LONRF2: variants seen among roughly 807,000 people sequenced by gnomAD.
LONRF2 encodes the protein LON peptidase N-terminal domain and RING finger protein 2.
LONRF2 carries 35 observed loss-of-function variants against 66.6 expected under a neutral mutation model. The observed-to-expected ratio is 0.53, with a 90% CI of 0.40 to 0.70. The LOEUF is 0.70. Ranked by LOEUF, LONRF2 falls within the 30% of genes least tolerant of loss-of-function variation. The pLI is 0.00. For missense variants in LONRF2, 902 were observed against 1,002.1 expected (o/e 0.90, Z 1.35); for synonymous variants, 417 against 418.1 (o/e 1.00, Z 0.03).
chr2:100,290,342 A>G lies in LONRF2; in HGVS notation c.1836T>C (p.Ile612=). ...FPDGSSVVDA[I]GISRFRVLSH... is the part of the protein sequence containing the mutation. ...TTAGCACTCGGAACCGACTGATGCC[A>G]ATCGCGTCTACAACAGAACTTCCAT... Residue 612 remains isoleucine, a synonymous_variant, in exon 10 of 12, where the codon ATT becomes ATC. Transcript: ENST00000393437. The G allele has an allele frequency of 6.2e-7, 1 of 1,614,198 alleles. No homozygotes were observed. Among genetic ancestry groups the G allele is most frequent in the Non-Finnish European group, 8.5e-7 (1 of 1,180,034 alleles).
Position 100,284,382 on chromosome 2 carries a change from AAGG to A in LONRF2, c.2178_2180del (p.Leu727del), listed in dbSNP as rs1418743513. The A allele has an allele frequency of 1.2e-6, 2 of 1,600,204 alleles. No homozygotes were observed. Among genetic ancestry groups the A allele is most frequent in the Admixed American group, 3.4e-5 (2 of 58,358 alleles). ...TGATGACTAATATCCGTCGGATGGC[AAGG>A]AGCCGCTCTTTGAGCGAGGTCATGC... On this transcript the variant is annotated inframe_deletion, in exon 12 of 12. Transcript: ENST00000393437.
At chr2:100,285,401 T>C (rs985074686) in intron 11 of LONRF2, among the ~76,000 whole-genome samples, 2 of 152,206 alleles carry the variant, frequency 1.3e-5, no homozygotes, top group African/African-American at 4.8e-5. Flanking sequence ...CTCTTTTCCC[T>C]GCCTCATCTC....
chr2:100,287,736 T>A (rs1674876898), intron 10 of LONRF2, among the ~76,000 whole-genome samples: 1 of 152,170 alleles, frequency 6.6e-6, no homozygotes, highest in Admixed American at 6.5e-5. Context: ...GCCTCAGTCC[T>A]GTTCAGGAAC....
At chr2:100,308,205 TA>T (rs1675335667) in intron 2 of LONRF2, among the ~76,000 whole-genome samples, 1 of 140,934 alleles carries the variant, frequency 7.1e-6, no homozygotes, top group Non-Finnish European at 1.5e-5. Context: ...CTGTCTCTAC[TA>T]AAAAATACAA....
At chr2:100,286,176 A>G (rs943237705) in intron 11 of LONRF2, among the ~76,000 whole-genome samples, 2 of 152,184 alleles carry the variant, frequency 1.3e-5, no homozygotes, top group African/African-American at 2.4e-5. Flanking sequence ...CAGAAAAAAA[A>G]AGTTAAAATG....
At chr2:100,312,871 G>C (rs1675435061) in intron 1 of LONRF2, among the ~76,000 whole-genome samples, 1 of 152,226 alleles carries the variant, frequency 6.6e-6, no homozygotes, top group Non-Finnish European at 1.5e-5. Context: ...AAAACTAAGT[G>C]GAAGAGGAAG....
intron 1 of LONRF2, among the ~76,000 whole-genome samples, chr2:100,312,348 A>G (rs1223135641): frequency 6.6e-6 from 1 of 152,060 alleles, no homozygotes; most frequent in Non-Finnish European, 1.5e-5. Flanking sequence ...TTTTTCTTGA[A>G]CACATTTATC....
Position 100,321,920 on chromosome 2 carries a change from G to T in LONRF2, c.174C>A (p.Arg58=). ...SMLAGLAQPD[R]GLCLRLGDAL... ...CGTCCCCCAGCCTCAGGCACAGGCC[G>T]CGGTCCGGCTGCGCCAGCCCGGCTA... Residue 58 remains arginine, a synonymous_variant, in exon 1 of 12, where the codon CGC becomes CGA. Coordinates refer to ENST00000393437, the MANE Select transcript of LONRF2 (RefSeq NM_198461.4). 1 of 1,365,296 alleles carries T rather than the reference G, an allele frequency of 7.3e-7. No individual in the cohort carries two copies. The highest frequency in any genetic ancestry group is 9.5e-7 in the Non-Finnish European group (1 of 1,056,886). The allele number at this position is 1,365,296 out of a possible 1,614,324, so 84.6% of individuals were successfully genotyped here.
At position 100,278,976 on chromosome 2, in the gene LONRF2, T is replaced by C. The variant is rs544730191; in HGVS notation, c.*5322A>G. On this transcript the variant is annotated 3_prime_UTR_variant, in exon 12 of 12. Transcript: ENST00000393437. ...CTCTGGTAGAAGGGACTACTCTCTGTACCATTCTAAAACTTAAGGGAGCGT... is the reference window on the plus strand; with the variant it reads ...CTCTGGTAGAAGGGACTACTCTCTGCACCATTCTAAAACTTAAGGGAGCGT... 32 of 152,070 alleles carry C rather than the reference T, an allele frequency of 2.1e-4. No individual in the cohort carries two copies. Among genetic ancestry groups the C allele is most frequent in the Non-Finnish European group, 4.3e-4 (29 of 68,014 alleles). 9.4% of individuals were successfully genotyped at this position (152,070 alleles called of 1,614,324 possible).
intron 10 of LONRF2, 40 bp from the exon 11 acceptor site, chr2:100,287,103 A>G (rs1443254716): frequency 1.2e-5 from 19 of 1,590,138 alleles, no homozygotes. Flanking sequence ...AACCATTCAC[A>G]GTAATGCACG....
rs72821133 is a variant in LONRF2, at chr2:100,272,668, C to T, written c.*11630G>A. 0.14 allele frequency among the ~76,000 whole-genome samples: 20,793 copies of T among 151,942 alleles called. 1,745 individuals carry two copies. The highest frequency in any genetic ancestry group is 0.25 in the Middle Eastern group (73 of 294). On this transcript the variant is annotated 3_prime_UTR_variant, in exon 12 of 12. Coordinates refer to ENST00000393437, the MANE Select transcript of LONRF2 (RefSeq NM_198461.4). ...GCTGTTTTAAATATTGTAATTTATG[C>T]CTCTAAAAATTCCAAATAAATATAT...
chr2:100,305,143 T>A (rs1422222570), intron 2 of LONRF2, among the ~76,000 whole-genome samples: 2 of 152,188 alleles, frequency 1.3e-5, no homozygotes, highest in African/African-American at 4.8e-5. Flanking sequence ...GTACTGTTTT[T>A]GTGCAGCTGC....
rs376714205 is a variant in LONRF2 at position 100,306,959 on chromosome 2, T to A, written c.798+2148A>T. On this transcript the variant is annotated intron_variant, in intron 2 of 11. Transcript: ENST00000393437. ...TTTTTGAGGTGGAGTCTCGCTCTGTTGCCCAGGCTGGAGTGCAGTGGTGCT... is the reference window on the plus strand; with the variant it reads ...TTTTTGAGGTGGAGTCTCGCTCTGTAGCCCAGGCTGGAGTGCAGTGGTGCT... Among the ~76,000 whole-genome samples the A allele has an allele frequency of 2.6e-3, 392 of 149,384 alleles. 1 individual carries two copies. The highest frequency in any genetic ancestry group is 4.1e-3 in the Non-Finnish European group (278 of 67,546).
At chr2:100,299,966 G>T in intron 4 of LONRF2, 48 bp from the exon 5 acceptor site, 1 of 1,081,800 alleles carries the variant, frequency 9.2e-7, no homozygotes, top group Admixed American at 2.3e-5. Context: ...AGAAATCATA[G>T]CATAAGAGAA....
chr2:100,290,427 A>T lies in LONRF2; in HGVS notation c.1758-7T>A. The T allele has an allele frequency of 6.2e-7, 1 of 1,604,716 alleles. No individual in the cohort carries two copies. The highest frequency in any genetic ancestry group is 2.2e-5 in the East Asian group (1 of 44,780). On this transcript the variant is annotated splice_polypyrimidine_tract_variant and splice_region_variant and intron_variant, in intron 9 of 11. Transcript: ENST00000393437. ...GCATCCATACTCTGAAAGCCTGAAA[A>T]GACAGTTAGGAGAAATGACTGTGAT...
rs114378605 is a variant in LONRF2 at position 100,309,175 on chromosome 2, T to G, written c.730A>C (p.Met244Leu). ...LLLRAELYLT[M>L]KNYEQALQDA... ...TGGAGAGCTTGCTCATAGTTCTTCATGGTCAAATATAACTCCGCCCGCAGC... is the reference window on the plus strand; with the variant it reads ...TGGAGAGCTTGCTCATAGTTCTTCAGGGTCAAATATAACTCCGCCCGCAGC... The change falls in exon 2 of 12, where the codon ATG becomes CTG. Residue 244 changes from methionine (M) to leucine (L), a missense_variant. Transcript: ENST00000393437. 2.9e-5 allele frequency: 46 copies of G among 1,609,786 alleles called. No individual in the cohort carries two copies. In the East Asian group the frequency reaches 9.8e-4, roughly 34 times the overall value.
Position 100,272,449 on chromosome 2 carries a change from T to C in LONRF2, c.*11849A>G, listed in dbSNP as rs2105702468. 6.6e-6 allele frequency among the ~76,000 whole-genome samples: 1 copy of C among 152,226 alleles called. No individual in the cohort carries two copies. Among genetic ancestry groups the C allele is most frequent in the South Asian group, 2.1e-4 (1 of 4,830 alleles). ...AAGAGGTTGAGGCTGCAGTGAGCTA[T>C]GCTTGTACCACTGCCCTCCAGCCTG... is the stretch of plus-strand genomic sequence containing the variant. On this transcript the variant is annotated 3_prime_UTR_variant, in exon 12 of 12. Transcript: ENST00000393437.
At chr2:100,292,997 A>G (rs1227901158) in intron 9 of LONRF2, among the ~76,000 whole-genome samples, 3 of 152,100 alleles carry the variant, frequency 2.0e-5, no homozygotes, top group African/African-American at 7.2e-5. Context: ...GGATCTCTAC[A>G]TTATTGTGTC....
rs13386569 is a variant in LONRF2 at position 100,285,230 on chromosome 2, A to C, written c.2071-738T>G. Reference sequence around the variant, plus strand: ...AGCTGGGAGGGTGAACTCTGGAGTCACCTTAGTTTAGGGTGAGGTAGATTA... The same window carrying C: ...AGCTGGGAGGGTGAACTCTGGAGTCCCCTTAGTTTAGGGTGAGGTAGATTA... On this transcript the variant is annotated intron_variant, in intron 11 of 11. Coordinates refer to ENST00000393437, the MANE Select transcript of LONRF2 (RefSeq NM_198461.4). 2.6e-3 allele frequency among the ~76,000 whole-genome samples: 395 copies of C among 152,302 alleles called. 1 individual carries two copies. The highest frequency in any genetic ancestry group is 8.6e-3 in the African/African-American group (358 of 41,572).
Sources: allele counts gnomAD v4.1 joint callset (sites outside exome capture counted in the v4.1 genomes callset), GRCh38; gene constraint gnomAD v4.1.1; transcripts MANE v1.5; gene names NCBI Gene and HGNC (gene_info 2026-07-23, HGNC 2026-07-21).